Variants in DRICH1 observed in about 807,000 individuals in gnomAD.
DRICH1 encodes the protein aspartate-rich protein 1.
Under a neutral mutation model 39.5 loss-of-function variants are expected in DRICH1, and 38 were observed. That is an observed-to-expected ratio of 0.96 (90% CI 0.74 to 1.26). DRICH1 has a LOEUF of 1.26. DRICH1 is among the 50% of genes most tolerant of loss of function. The probability of loss-of-function intolerance (pLI) is 0.00; values close to 1 mark genes in which losing one functional copy is unlikely to be tolerated. For missense variants in DRICH1, 279 were observed against 270.4 expected (o/e 1.03, Z -0.22); for synonymous variants, 84 against 99.5 (o/e 0.84, Z 0.93).
At position 23,630,234 on chromosome 22, in the gene DRICH1, TC is replaced by T. The variant is rs779174299; in HGVS notation, c.208+1581del. On this transcript the variant is annotated intron_variant, in intron 1 of 11. Coordinates refer to ENST00000317749, the MANE Select transcript of DRICH1 (RefSeq NM_016449.4). Reference sequence around the variant, plus strand: ...CAATGTTTGGCACACTTATAGGCCATCCACTACCACTACCAGGGGCACGCAT... The same window carrying T: ...CAATGTTTGGCACACTTATAGGCCATCACTACCACTACCAGGGGCACGCAT... Among the ~76,000 whole-genome samples, 146 of 152,314 alleles carry T rather than the reference TC, an allele frequency of 9.6e-4. 1 individual carries two copies. Among genetic ancestry groups the T allele is most frequent in the Non-Finnish European group, 1.7e-3 (119 of 68,030 alleles).
intron 8 of DRICH1, among the ~76,000 whole-genome samples, chr22:23,615,417 A>G (rs1247598685): frequency 6.6e-6 from 1 of 152,200 alleles, no homozygotes; most frequent in Non-Finnish European, 1.5e-5. Context: ...ATTCATTCAG[A>G]CATATAAAAT....
chr22:23,616,613 G>C (rs775131033), intron 8 of DRICH1, among the ~76,000 whole-genome samples: 3 of 152,166 alleles, frequency 2.0e-5, no homozygotes, highest in African/African-American at 7.2e-5. Flanking sequence ...GGATAAGTCA[G>C]TGAGAGGTGC....
At chr22:23,605,586 G>A (rs1021644421), downstream of DRICH1, among the ~76,000 whole-genome samples, 1 of 151,944 alleles carries the variant, frequency 6.6e-6, no homozygotes, top group African/African-American at 2.4e-5. Flanking sequence ...GGGGACAGCG[G>A]CCACCATCCT....
intron 8 of DRICH1, among the ~76,000 whole-genome samples, chr22:23,614,931 T>G (rs1927264298): frequency 6.6e-6 from 1 of 152,230 alleles, no homozygotes; most frequent in African/African-American, 2.4e-5. Context: ...GACGTGACTC[T>G]GAACACTTTC....
At chr22:23,617,804 G>GCAAGA in intron 6 of DRICH1, 147 bp from the exon 7 acceptor site, 1 of 662,954 alleles carries the variant, frequency 1.5e-6, no homozygotes, top group Non-Finnish European at 2.6e-6. Flanking sequence ...GAGGAGGGGA[G>GCAAGA]CAGGCATGAG....
At chr22:23,581,888 G>A in the DRICH1 span, among the ~76,000 whole-genome samples, 1 of 151,806 alleles carries the variant, frequency 6.6e-6, no homozygotes, top group Non-Finnish European at 1.5e-5. Flanking sequence ...ACAGGTGTGA[G>A]CCACCGCGCC....
intron 11 of DRICH1, 71 bp from the exon 12 acceptor site, chr22:23,608,839 T>G (rs1003188553): frequency 6.6e-7 from 1 of 1,508,618 alleles, no homozygotes; most frequent in African/African-American, 1.4e-5. Context: ...ATCATCCCAC[T>G]AAGCAGCCTC....
rs1479919944 is a variant in DRICH1, at chr22:23,614,201, A to G, written c.555T>C (p.Asp185=). 17 of 1,613,278 alleles carry G rather than the reference A, an allele frequency of 1.1e-5. No individual in the cohort carries two copies. Among genetic ancestry groups the G allele is most frequent in the Non-Finnish European group, 1.4e-5 (16 of 1,179,304 alleles). ...LPSPVQACSE[D]SLFLRCSLRH... is the part of the protein sequence containing the mutation. ...TCAGTGAGCATCTTAAAAACAGGCTATCTTCAGAACAAGCTGGAAGGACAC... is the reference window on the plus strand; with the variant it reads ...TCAGTGAGCATCTTAAAAACAGGCTGTCTTCAGAACAAGCTGGAAGGACAC... Residue 185 remains aspartate, a synonymous_variant, in exon 9 of 12, where the codon GAT becomes GAC. Coordinates refer to ENST00000317749, the MANE Select transcript of DRICH1 (RefSeq NM_016449.4).
chr22:23,609,260 G>T (rs2123757636), intron 11 of DRICH1, among the ~76,000 whole-genome samples: 1 of 152,356 alleles, frequency 6.6e-6, no homozygotes, highest in Admixed American at 6.5e-5. Flanking sequence ...TATCTGTGGA[G>T]TCTGGGGCAA....
chr22:23,619,920 TG>T (rs566025078), intron 5 of DRICH1, among the ~76,000 whole-genome samples: 152 of 151,454 alleles, frequency 1.0e-3, no homozygotes, highest in Non-Finnish European at 1.3e-3. Flanking sequence ...CCTATGCATC[TG>T]GGCACACCAC....
chr22:23,596,537 G>T, the DRICH1 span, among the ~76,000 whole-genome samples: 86 of 152,222 alleles, frequency 5.6e-4, 2 homozygotes, highest in South Asian at 0.017. Context: ...TCTTCTGAGC[G>T]CTGGTCTCAC....
At chr22:23,620,217 T>C (rs12484556) in intron 5 of DRICH1, among the ~76,000 whole-genome samples, 38,629 of 151,968 alleles carry the variant, frequency 0.25, 5,396 homozygotes, top group Admixed American at 0.4. Flanking sequence ...GCAGCAGATA[T>C]AACATGAAGG....
chr22:23,613,742 AT>A (rs1927183968), intron 9 of DRICH1, 82 bp from the exon 10 acceptor site: 3 of 1,081,220 alleles, frequency 2.8e-6, no homozygotes, highest in Non-Finnish European at 4.2e-6. Context: ...CTGGACAACG[AT>A]AAAAAACCAG....
chr22:23,604,652 G>GA (rs1926634988), downstream of DRICH1, among the ~76,000 whole-genome samples: 3 of 152,166 alleles, frequency 2.0e-5, no homozygotes. Context: ...TTTCCTCGTG[G>GA]AAGCCCTCAC....
intron 3 of DRICH1, 42 bp downstream of exon 3, chr22:23,624,841 C>T (rs766611337): frequency 6.2e-7 from 1 of 1,603,328 alleles, no homozygotes; most frequent in African/African-American, 1.3e-5. Context: ...TTAAAGCTAG[C>T]AAGTTTGTTT....
chr22:23,603,301 G>A, the DRICH1 span, among the ~76,000 whole-genome samples: 1 of 149,874 alleles, frequency 6.7e-6, no homozygotes, highest in East Asian at 2.0e-4. Flanking sequence ...TCAACCTCTG[G>A]TGCCCCCAAT....
intron 10 of DRICH1, 40 bp downstream of exon 10, chr22:23,613,599 G>T (rs760088075): frequency 6.4e-7 from 1 of 1,552,730 alleles, no homozygotes; most frequent in South Asian, 1.1e-5. Flanking sequence ...AAGCTAGCAA[G>T]TTTTTTCCCT....
At chr22:23,612,611 T>C (rs78100511) in intron 11 of DRICH1, among the ~76,000 whole-genome samples, 1,851 of 151,628 alleles carry the variant, frequency 0.012, 23 homozygotes, top group Middle Eastern at 0.035. Flanking sequence ...TCCCAAAAAA[T>C]TAGAGAACTG....
chr22:23,609,997 G>T (rs1262577564), intron 11 of DRICH1, among the ~76,000 whole-genome samples: 1 of 152,012 alleles, frequency 6.6e-6, no homozygotes, highest in Non-Finnish European at 1.5e-5. Flanking sequence ...CACTGGAGTG[G>T]GACAGGTCCT....
Sources: gnomAD v4.1 joint callset for allele counts (sites outside exome capture counted in the v4.1 genomes callset) on GRCh38, gnomAD v4.1.1 for gene constraint, MANE v1.5 for transcripts, NCBI Gene and HGNC (gene_info 2026-07-23, HGNC 2026-07-21) for gene names.